CCT3: variants seen among roughly 807,000 people sequenced by gnomAD.
CCT3 encodes the protein T-complex protein 1 subunit gamma.
A neutral mutation model predicts 65.3 loss-of-function variants in CCT3; 10 were observed. The ratio of observed to expected loss-of-function variants is 0.15; its 90% CI spans 0.09 to 0.26. The LOEUF is 0.26. CCT3 is among the 10% of genes least tolerant of loss of function. CCT3 has a pLI of 1.00. For synonymous variants in CCT3, 225 were observed against 242.3 expected, an observed-to-expected ratio of 0.93 and a Z score of 0.66; for missense variants, 626 against 708.7, an observed-to-expected ratio of 0.88 and a Z score of 1.33.
chr1:156,317,476 C>T lies in CCT3; in HGVS notation c.831G>A (p.Gln277=). ...TCAGTTGGATAATGTCCTCACAGAG[C>T]TGCTGGATGTACTCTTCCTCCATCT... is the stretch of plus-strand genomic sequence containing the variant. ...ILQMEEEYIQ[Q]LCEDIIQLKP... Residue 277 remains glutamine (Q), a synonymous_variant, in exon 9 of 14, where the codon CAG becomes CAA. Transcript: ENST00000295688. 1 of 1,614,024 alleles carries T rather than the reference C, an allele frequency of 6.2e-7. No homozygotes were observed. The highest frequency in any genetic ancestry group is 1.1e-5 in the South Asian group (1 of 91,086).
chr1:156,317,497 C>T lies in CCT3; in HGVS notation c.810G>A (p.Met270Ile), dbSNP rs763865939. 1.9e-6 allele frequency: 3 copies of T among 1,613,942 alleles called. No individual in the cohort carries two copies. The South Asian group carries it at 3.3e-5, about 18-fold the overall frequency. The change falls in exon 9 of 14, where the codon ATG (methionine) becomes ATA (isoleucine). Residue 270 changes from methionine (M) to isoleucine (I), a missense_variant. Transcript: ENST00000295688. ...REEDFTRILQ[M>I]EEEYIQQLCE... ...AGAGCTGCTGGATGTACTCTTCCTC[C>T]ATCTGGAGAATTCGGGTGAAGTCCT...
At chr1:156,331,289 G>C (rs1017019767) in intron 5 of CCT3, among the ~76,000 whole-genome samples, 10 of 151,886 alleles carry the variant, frequency 6.6e-5, no homozygotes, top group African/African-American at 2.2e-4. Flanking sequence ...AGGAGTTTGA[G>C]GCAAGCCTGG....
intron 10 of CCT3, 22 bp from the exon 11 acceptor site, chr1:156,312,243 G>A (rs141594212): frequency 5.0e-6 from 8 of 1,608,280 alleles, no homozygotes; most frequent in South Asian, 1.1e-5. Context: ...AAGAGGTGGG[G>A]AGAATCAGAT....
intron 6 of CCT3, among the ~76,000 whole-genome samples, chr1:156,321,821 GAC>G (rs1473502316): frequency 6.6e-6 from 1 of 152,110 alleles, no homozygotes; most frequent in Non-Finnish European, 1.5e-5. Context: ...CAGCCTGGGT[GAC>G]AGAGTGAGAT....
rs183043729 is a variant in CCT3 at position 156,321,151 on chromosome 1, G to A, written c.423-126C>T. 36 of 739,520 alleles carry A rather than the reference G, an allele frequency of 4.9e-5. No individual in the cohort carries two copies. The East Asian group carries it at 6.2e-4, about 13-fold the overall frequency. The allele number at this position is 739,520 out of a possible 1,614,324, so 45.8% of individuals were successfully genotyped here. A position where few individuals can be genotyped will look rare whatever the true frequency, so the allele number is the denominator to read the frequency against. On this transcript the variant is annotated intron_variant, in intron 6 of 13. Transcript: ENST00000295688. ...CAGAACAAGGGGATTTGTTCCTTTG[G>A]AGGAAACTAAAAGGACATTAGGAGG...
chr1:156,338,283 C>G lies in CCT3; in HGVS notation c.-99G>C, dbSNP rs1183288771. ...AGAAGCCCAGAAAACGCTGCCTCCTCAGGGCTTACACCTCAACCCGCTACT... is the reference window on the plus strand; with the variant it reads ...AGAAGCCCAGAAAACGCTGCCTCCTGAGGGCTTACACCTCAACCCGCTACT... On this transcript the variant is annotated 5_prime_UTR_variant, in exon 1 of 14. Coordinates refer to ENST00000295688, the MANE Select transcript of CCT3 (RefSeq NM_005998.5). 1.7e-6 allele frequency: 2 copies of G among 1,187,918 alleles called. No individual in the cohort carries two copies. Among genetic ancestry groups the G allele is most frequent in the East Asian group, 2.5e-5 (1 of 39,482 alleles). 73.6% of individuals were successfully genotyped at this position (1,187,918 alleles called of 1,614,324 possible). A position where few individuals can be genotyped will look rare whatever the true frequency, so the allele number is the denominator to read the frequency against.
chr1:156,338,021 G>C (rs1326872637), intron 1 of CCT3, 133 bp downstream of exon 1: 12 of 961,566 alleles, frequency 1.2e-5, no homozygotes, highest in Non-Finnish European at 1.9e-5. Context: ...GGGACACTGG[G>C]CTTCCAAAAT....
At chr1:156,315,121 T>C (rs1244754154) in intron 10 of CCT3, among the ~76,000 whole-genome samples, 6 of 152,184 alleles carry the variant, frequency 3.9e-5, no homozygotes, top group African/African-American at 9.7e-5. Context: ...CCGTTCTTCC[T>C]CCACAGCCTA....
chr1:156,320,927 T>A lies in CCT3; in HGVS notation c.521A>T (p.Asn174Ile), dbSNP rs749000478. The A allele has an allele frequency of 6.2e-7, 1 of 1,613,942 alleles. No homozygotes were observed. Among genetic ancestry groups the A allele is most frequent in the African/African-American group, 1.3e-5 (1 of 74,912 alleles). ...AISRWSSLACNIALDAVKMVQ... is the reference protein window; with the variant it reads ...AISRWSSLACIIALDAVKMVQ... ...CATCTTGACAGCATCCAGGGCAATG[T>A]TGCAAGCCAAAGATGACCACCGACT... is the stretch of plus-strand genomic sequence containing the variant. The change falls in exon 7 of 14, where the codon AAC (asparagine) becomes ATC (isoleucine). Residue 174 changes from asparagine (N) to isoleucine (I), a missense_variant. By Grantham distance (149) the Asn-to-Ile change is moderately radical. Transcript: ENST00000295688.
At chr1:156,309,543 C>T (rs1663988430) in intron 13 of CCT3, among the ~76,000 whole-genome samples, 1 of 151,956 alleles carries the variant, frequency 6.6e-6, no homozygotes, top group Non-Finnish European at 1.5e-5. Context: ...TCTACTACCT[C>T]AGCCTCCCAA....
chr1:156,329,462 T>C (rs749479072), intron 5 of CCT3, among the ~76,000 whole-genome samples: 5 of 151,656 alleles, frequency 3.3e-5, no homozygotes, highest in African/African-American at 4.8e-5. Context: ...CGCGCCACCA[T>C]GCCCAGCTCA....
At chr1:156,312,013 T>C (rs1664103473) in intron 11 of CCT3, 28 bp downstream of exon 11, 1 of 1,577,950 alleles carries the variant, frequency 6.3e-7, no homozygotes, top group Admixed American at 1.8e-5. Context: ...ATCTACTTCA[T>C]CTGGTCATAC....
At chr1:156,338,113 G>T in intron 1 of CCT3, 41 bp downstream of exon 1, 2 of 1,567,900 alleles carry the variant, frequency 1.3e-6, no homozygotes, top group Non-Finnish European at 1.7e-6. Context: ...GACAGAAGAG[G>T]GCGAAAAGGG....
At chr1:156,332,032 C>CA (rs748216015) in intron 5 of CCT3, among the ~76,000 whole-genome samples, 31 of 102,084 alleles carry the variant, frequency 3.0e-4, no homozygotes, top group Admixed American at 3.5e-4. Context: ...GACTCCATCT[C>CA]AAAAAAAAAA....
chr1:156,312,085 C>T lies in CCT3; in HGVS notation c.1111G>A (p.Ala371Thr). Residue 371 changes from alanine (A) to threonine (T), a missense_variant, in exon 11 of 14, where the codon GCC becomes ACC. Transcript: ENST00000295688. ...GCCCCCCGGAGGAGAATGGTGCAGG[C>T]CTTGGGGTCTTTGCAGTCAGTGATG... ...TFITDCKDPK[A>T]CTILLRGASK... The T allele has an allele frequency of 6.2e-7, 1 of 1,613,656 alleles. No homozygotes were observed. Among genetic ancestry groups the T allele is most frequent in the South Asian group, 1.1e-5 (1 of 91,034 alleles).
intron 1 of CCT3, chr1:156,337,092 T>A: frequency 7.8e-7 from 1 of 1,285,364 alleles, no homozygotes; most frequent in Non-Finnish European, 1.0e-6. Flanking sequence ...AGGAAGACAA[T>A]GGAGGTGGTG....
At chr1:156,311,944 C>G in intron 11 of CCT3, 97 bp downstream of exon 11, 1 of 946,484 alleles carries the variant, frequency 1.1e-6, no homozygotes, top group Non-Finnish European at 1.5e-6. Flanking sequence ...AATTAAATAG[C>G]TATAAATGGA....
intron 13 of CCT3, among the ~76,000 whole-genome samples, chr1:156,309,711 C>A (rs1259015450): frequency 6.6e-6 from 1 of 151,808 alleles, no homozygotes; most frequent in East Asian, 2.0e-4. Flanking sequence ...CAGGCGTGAC[C>A]CACCATGCCC....
intron 2 of CCT3, chr1:156,335,161 C>T: frequency 2.2e-6 from 1 of 463,276 alleles, no homozygotes; most frequent in Non-Finnish European, 3.8e-6. Context: ...GTGAGCCATT[C>T]CGCCCAGCCA....
Sources: gnomAD v4.1 joint callset for allele counts (sites outside exome capture counted in the v4.1 genomes callset) on GRCh38, gnomAD v4.1.1 for gene constraint, MANE v1.5 for transcripts, NCBI Gene and HGNC (gene_info 2026-07-23, HGNC 2026-07-21) for gene names.